Variants in FNBP1 observed in about 807,000 individuals in gnomAD.
FNBP1 encodes formin-binding protein 1.
In FNBP1, 26 loss-of-function variants were observed where a neutral mutation model predicts 90.6. The ratio of observed to expected loss-of-function variants is 0.29; its 90% CI spans 0.21 to 0.40. FNBP1 has a LOEUF of 0.40. Among genes scored for constraint, FNBP1 ranks in the 10% least tolerant of loss-of-function variants. FNBP1 has a pLI of 1.00. For missense variants in FNBP1, 635 were observed against 768.0 expected, an observed-to-expected ratio of 0.83 and a Z score of 2.05; for synonymous variants, 260 against 265.2, an observed-to-expected ratio of 0.98 and a Z score of 0.19.
At chr9:129,973,875 A>AT (rs2049890706) in intron 4 of FNBP1, among the ~76,000 whole-genome samples, 1 of 149,576 alleles carries the variant, frequency 6.7e-6, no homozygotes, top group Admixed American at 6.7e-5. Flanking sequence ...CAGTGGTGCC[A>AT]TCTCAGCTCA....
At chr9:129,961,334 C>T (rs575057857) in intron 4 of FNBP1, among the ~76,000 whole-genome samples, 1 of 151,992 alleles carries the variant, frequency 6.6e-6, no homozygotes, top group African/African-American at 2.4e-5. Context: ...GAAAAACAAA[C>T]AAACAAACAA....
At chr9:129,903,832 C>T (rs887950088) in intron 12 of FNBP1, among the ~76,000 whole-genome samples, 1 of 151,998 alleles carries the variant, frequency 6.6e-6, no homozygotes, top group African/African-American at 2.4e-5. Flanking sequence ...AATCTGGCTT[C>T]AAAACCCAAG....
In FNBP1 at chr9:129,957,005, C is replaced by T. The variant is rs1377566814; in HGVS notation, c.513+355G>A. Among the ~76,000 whole-genome samples, 1 of 149,614 alleles carries T rather than the reference C, an allele frequency of 6.7e-6. No individual in the cohort carries two copies. Among genetic ancestry groups the T allele is most frequent in the African/African-American group, 2.5e-5 (1 of 40,802 alleles). Reference sequence around the variant, plus strand: ...ATGGGTGGTCGGTGATGAACACTCACAGGGGAAATGAAAGACACACTTGAG... The same window carrying T: ...ATGGGTGGTCGGTGATGAACACTCATAGGGGAAATGAAAGACACACTTGAG... On this transcript the variant is annotated intron_variant, in intron 6 of 16. Transcript: ENST00000446176. The surrounding 1 kb of genome is among the most constrained non-coding windows in gnomAD (Gnocchi z 4.3).
chr9:129,910,252 G>C (rs1228510450), intron 11 of FNBP1: 1 of 454,776 alleles, frequency 2.2e-6, no homozygotes, highest in Non-Finnish European at 4.4e-6. Context: ...GGAGGCCGAG[G>C]TGGGTGGATC....
At chr9:129,896,080 G>A (rs2035684313) in intron 15 of FNBP1, 84 bp from the exon 16 acceptor site, 3 of 1,409,790 alleles carry the variant, frequency 2.1e-6, no homozygotes, top group South Asian at 2.7e-5. Context: ...TGAAACAAGT[G>A]TCGTCGAAGA....
At chr9:130,012,041 G>A (rs1662069422) in intron 1 of FNBP1, among the ~76,000 whole-genome samples, 1 of 152,176 alleles carries the variant, frequency 6.6e-6, no homozygotes, top group African/African-American at 2.4e-5. Flanking sequence ...CTATTGGCCA[G>A]GGACAAAGAC....
intron 10 of FNBP1, among the ~76,000 whole-genome samples, chr9:129,922,676 A>C (rs551164649): frequency 6.6e-6 from 1 of 152,156 alleles, no homozygotes; most frequent in Admixed American, 6.5e-5. Context: ...CAATCAACAG[A>C]TATTTTATCA....
intron 6 of FNBP1, among the ~76,000 whole-genome samples, chr9:129,955,829 T>C (rs2046849623): frequency 1.1e-5 from 1 of 87,760 alleles, no homozygotes; most frequent in Admixed American, 1.5e-4. Flanking sequence ...ATACTTCTTT[T>C]AGCGCGCACA....
At chr9:130,035,140 T>G (rs2059195253) in intron 1 of FNBP1, among the ~76,000 whole-genome samples, 1 of 151,998 alleles carries the variant, frequency 6.6e-6, no homozygotes, top group Non-Finnish European at 1.5e-5. Context: ...CATGGAGAAG[T>G]GGCAAAAAAT....
intron 12 of FNBP1, among the ~76,000 whole-genome samples, chr9:129,908,674 T>TCC (rs2038638799): frequency 6.6e-6 from 1 of 152,100 alleles, no homozygotes; most frequent in Non-Finnish European, 1.5e-5. Flanking sequence ...TGCCTCAGCC[T>TCC]CCTGAGTAAC....
intron 1 of FNBP1, among the ~76,000 whole-genome samples, chr9:130,038,624 T>C (rs2059562203): frequency 6.6e-6 from 1 of 152,098 alleles, no homozygotes; most frequent in Non-Finnish European, 1.5e-5. Context: ...CTCAAACTCC[T>C]GATGTCGTGA....
chr9:129,944,446 CAGG>C (rs1204917521), intron 6 of FNBP1, among the ~76,000 whole-genome samples: 3 of 150,496 alleles, frequency 2.0e-5, no homozygotes, highest in Non-Finnish European at 4.4e-5. Context: ...GACGCTGAGG[CAGG>C]AGAATTGCTT....
At chr9:130,013,930 C>T in intron 1 of FNBP1, 1 of 450,410 alleles carries the variant, frequency 2.2e-6, no homozygotes, top group South Asian at 1.6e-5. Flanking sequence ...ACTTTCCAAC[C>T]TCTAGATTCA....
rs147050671 is a variant in FNBP1, at chr9:129,929,337, G to A, written c.642+230C>T. Among the ~76,000 whole-genome samples the A allele has an allele frequency of 9.0e-3, 1,350 of 149,626 alleles. 22 individuals are homozygous for A. Among genetic ancestry groups the A allele is most frequent in the African/African-American group, 0.032 (1,278 of 40,288 alleles). ...AGGCAGGAGAGTCACTTGAACCTAG[G>A]AGGCAGGGGTTGCAATGAGCCGAGA... is the stretch of plus-strand genomic sequence containing the variant. On this transcript the variant is annotated intron_variant, in intron 7 of 16. Transcript: ENST00000446176.
At chr9:129,931,732 A>G (rs531965907) in intron 6 of FNBP1, among the ~76,000 whole-genome samples, 1 of 152,112 alleles carries the variant, frequency 6.6e-6, no homozygotes, top group South Asian at 2.1e-4. Flanking sequence ...CAGGAGGTCA[A>G]GTATACAGTA....
chr9:129,983,921 T>C (rs75650182), intron 2 of FNBP1, among the ~76,000 whole-genome samples: 2,650 of 152,272 alleles, frequency 0.017, 28 homozygotes, highest in African/African-American at 0.021. Flanking sequence ...AGAAATCTGA[T>C]GTGTTTTCAG....
intron 2 of FNBP1, among the ~76,000 whole-genome samples, chr9:129,990,933 T>G (rs1014532719): frequency 6.0e-5 from 6 of 99,980 alleles, no homozygotes; most frequent in East Asian, 2.9e-4. Flanking sequence ...GACACCAGGG[T>G]TTTTTTTTTT....
intron 6 of FNBP1, among the ~76,000 whole-genome samples, chr9:129,932,449 T>C (rs1334541075): frequency 6.6e-6 from 1 of 152,176 alleles, no homozygotes; most frequent in African/African-American, 2.4e-5. Context: ...TGAATTTCAC[T>C]TCACACATTT....
chr9:129,985,292 G>A (rs2051981589), intron 2 of FNBP1, among the ~76,000 whole-genome samples: 1 of 76,806 alleles, frequency 1.3e-5, no homozygotes, highest in African/African-American at 3.8e-5. Flanking sequence ...CACACGCCAG[G>A]TGTTGGCCTA....
Sources: allele counts gnomAD v4.1 joint callset (sites outside exome capture counted in the v4.1 genomes callset), GRCh38; gene constraint gnomAD v4.1.1; non-coding constraint Gnocchi (gnomAD v3.1); transcripts MANE v1.5; gene names NCBI Gene and HGNC (gene_info 2026-07-23, HGNC 2026-07-21).